Variants in CDC45 observed in about 807,000 individuals in gnomAD.
The protein encoded by CDC45 is cell division control protein 45 homolog.
CDC45 carries 54 observed loss-of-function variants against 77.8 expected under a neutral mutation model. The ratio of observed to expected loss-of-function variants is 0.69; its 90% CI spans 0.56 to 0.87. The LOEUF (loss-of-function observed/expected upper bound fraction) is 0.87, where lower values mean the gene tolerates loss of function less well. CDC45 is among the 40% of genes least tolerant of loss of function. The probability of loss-of-function intolerance (pLI) is 0.00; values close to 1 mark genes in which losing one functional copy is unlikely to be tolerated. For synonymous variants in CDC45, 260 were observed against 272.1 expected, an observed-to-expected ratio of 0.96 and a Z score of 0.44; for missense variants, 649 against 721.6, an observed-to-expected ratio of 0.90 and a Z score of 1.15.
intron 9 of CDC45, among the ~76,000 whole-genome samples, chr22:19,503,898 C>T (rs1933003903): frequency 6.6e-6 from 1 of 152,252 alleles, no homozygotes; most frequent in Admixed American, 6.5e-5. Flanking sequence ...AGATGCCTTT[C>T]AAAACCAGAA....
intron 3 of CDC45, among the ~76,000 whole-genome samples, chr22:19,481,415 G>T (rs2089981048): frequency 6.6e-6 from 1 of 151,942 alleles, no homozygotes; most frequent in African/African-American, 2.4e-5. Context: ...GTCTCGCTGT[G>T]TCGCCCAGGC....
In CDC45 at chr22:19,481,029, T is replaced by A; in HGVS notation, c.188T>A (p.Leu63His). ...TGGCAAGAACTTGAAACTGCATTTC[T>A]TGAGCATAAAGAACAGGTATTGAAG... ...SGWQELETAF[L>H]EHKEQFHYFI... Residue 63 changes from leucine to histidine, a missense_variant, in exon 3 of 19, where the codon CTT (leucine) becomes CAT (histidine). Coordinates refer to ENST00000263201, the MANE Select transcript of CDC45 (RefSeq NM_003504.5). The A allele has an allele frequency of 6.2e-7, 1 of 1,612,560 alleles. No individual in the cohort carries two copies. Among genetic ancestry groups the A allele is most frequent in the Non-Finnish European group, 8.5e-7 (1 of 1,178,606 alleles).
chr22:19,514,543 C>T (rs1933675696), intron 13 of CDC45, among the ~76,000 whole-genome samples: 1 of 152,188 alleles, frequency 6.6e-6, no homozygotes, highest in Non-Finnish European at 1.5e-5. Context: ...GCACCCGCTC[C>T]ACCTCTCATT....
Position 19,518,868 on chromosome 22 carries a change from G to A in CDC45, c.1661G>A (p.Arg554Gln), listed in dbSNP as rs1034546345. 6.2e-6 allele frequency: 10 copies of A among 1,613,974 alleles called. No individual in the cohort carries two copies. Among genetic ancestry groups the A allele is most frequent in the East Asian group, 4.5e-5 (2 of 44,888 alleles). The change falls in exon 18 of 19, where the codon CGG (arginine) becomes CAG (glutamine). Residue 554 changes from arginine (R) to glutamine (Q), a missense_variant. Arg to Gln is a conservative substitution (Grantham distance 43). Transcript: ENST00000263201. ...GTAATTGAGCTGAAAGCTGAGGATC[G>A]GAGCAAGTTTCTGGACGCACTTATT... ...LSVIELKAED[R>Q]SKFLDALISL...
At chr22:19,505,759 G>A (rs1333859328) in intron 10 of CDC45, among the ~76,000 whole-genome samples, 1 of 152,240 alleles carries the variant, frequency 6.6e-6, no homozygotes, top group Non-Finnish European at 1.5e-5. Context: ...AGCAGTGCGG[G>A]CAGTGGTTCA....
intron 17 of CDC45, 50 bp from the exon 18 acceptor site, chr22:19,518,794 T>A (rs554952563): frequency 6.7e-7 from 1 of 1,483,956 alleles, no homozygotes; most frequent in East Asian, 2.3e-5. Context: ...TGCCCTGTCT[T>A]GTGTTCCCAC....
intron 9 of CDC45, among the ~76,000 whole-genome samples, chr22:19,500,097 G>A (rs900976934): frequency 1.3e-5 from 2 of 152,228 alleles, no homozygotes; most frequent in African/African-American, 4.8e-5. Context: ...CCCTTCGTGT[G>A]TTAAGAGTAG....
intron 5 of CDC45, among the ~76,000 whole-genome samples, chr22:19,490,690 C>T (rs941689038): frequency 3.3e-5 from 5 of 151,718 alleles, no homozygotes; most frequent in Middle Eastern, 3.2e-3. Flanking sequence ...TTTTTCTTTC[C>T]TCTAGTGTTT....
intron 6 of CDC45, among the ~76,000 whole-genome samples, chr22:19,495,223 C>G (rs937073634): frequency 5.9e-5 from 9 of 152,308 alleles, no homozygotes; most frequent in African/African-American, 2.2e-4. Context: ...GATTTTGCAT[C>G]TTTCTACTTA....
chr22:19,508,842 G>A, intron 13 of CDC45, 151 bp downstream of exon 13: 1 of 642,014 alleles, frequency 1.6e-6, no homozygotes. Context: ...CCAGTGTGGT[G>A]TGCACCTGAC....
At chr22:19,500,687 C>G (rs1053626522) in intron 9 of CDC45, among the ~76,000 whole-genome samples, 1 of 152,122 alleles carries the variant, frequency 6.6e-6, no homozygotes, top group African/African-American at 2.4e-5. Flanking sequence ...AATCAACTAT[C>G]CCAATTTTCC....
At chr22:19,491,396 T>C (rs1447052759) in intron 5 of CDC45, among the ~76,000 whole-genome samples, 1 of 152,120 alleles carries the variant, frequency 6.6e-6, no homozygotes. Context: ...CTACTGGAGA[T>C]AAATTCCCTT....
At chr22:19,486,050 C>T (rs2090061981) in intron 5 of CDC45, among the ~76,000 whole-genome samples, 1 of 149,940 alleles carries the variant, frequency 6.7e-6, no homozygotes, top group Admixed American at 6.7e-5. Flanking sequence ...GAGATGGAGT[C>T]TCACTCTGTC....
At chr22:19,519,005 T>C (rs201453131) in intron 18 of CDC45, 96 bp downstream of exon 18, 2 of 963,182 alleles carry the variant, frequency 2.1e-6, no homozygotes, top group Admixed American at 1.8e-5. Flanking sequence ...AGGCTTCTAC[T>C]TGGGTTTCAG....
chr22:19,506,809 C>T lies in CDC45; in HGVS notation c.825-577C>T, dbSNP rs576746924. The stretch of plus-strand genomic sequence containing the variant: ...ATCAGCCAGGCATGGTGGCGGGTGC[C>T]TATAGTCCCAGCTATTCGGGAGGCT... On this transcript the variant is annotated intron_variant, in intron 10 of 18. Coordinates refer to ENST00000263201, the MANE Select transcript of CDC45 (RefSeq NM_003504.5). Among the ~76,000 whole-genome samples the T allele has an allele frequency of 3.9e-5, 6 of 152,206 alleles. No homozygotes were observed. In the South Asian group the frequency reaches 1.2e-3, roughly 32 times the overall value.
intron 9 of CDC45, among the ~76,000 whole-genome samples, chr22:19,502,554 G>C (rs1932938187): frequency 6.6e-6 from 1 of 152,192 alleles, no homozygotes; most frequent in South Asian, 2.1e-4. Flanking sequence ...CTCTAGCCAT[G>C]AGACAGCAGT....
intron 6 of CDC45, among the ~76,000 whole-genome samples, chr22:19,495,669 A>T (rs575734058): frequency 9.2e-4 from 140 of 152,316 alleles, no homozygotes; most frequent in Non-Finnish European, 1.6e-3. Flanking sequence ...AAATTTTTTT[A>T]AAATTAGCTG....
At position 19,504,010 on chromosome 22, in the gene CDC45, C is replaced by G. The variant is rs1427010110; in HGVS notation, c.705-1352C>G. Among the ~76,000 whole-genome samples the G allele has an allele frequency of 3.9e-5, 6 of 152,378 alleles. 1 individual carries two copies. The highest frequency in any genetic ancestry group is 1.3e-4 in the Admixed American group (2 of 15,312). ...CATATAGTTCAATGGAACCCAGTGG[C>G]CGCTTGGGCTTTGGGCTTGTCTCTG... On this transcript the variant is annotated intron_variant, in intron 9 of 18. Coordinates refer to ENST00000263201, the MANE Select transcript of CDC45 (RefSeq NM_003504.5).
chr22:19,518,738 C>T (rs998315188), intron 17 of CDC45, 106 bp from the exon 18 acceptor site: 64 of 857,380 alleles, frequency 7.5e-5, no homozygotes, highest in Admixed American at 1.6e-4. Flanking sequence ...GGAGGAGCCG[C>T]GCACTTTGGA....
Sources: gnomAD v4.1 joint callset for allele counts (sites outside exome capture counted in the v4.1 genomes callset) on GRCh38, gnomAD v4.1.1 for gene constraint, MANE v1.5 for transcripts, NCBI Gene and HGNC (gene_info 2026-07-23, HGNC 2026-07-21) for gene names.